Variants in SLC44A5 observed in about 807,000 individuals in gnomAD.
SLC44A5 encodes the protein choline transporter-like protein 5.
In SLC44A5, 57 loss-of-function variants were observed where a neutral mutation model predicts 101.8. The observed-to-expected ratio is 0.56, with a 90% CI of 0.45 to 0.70. The LOEUF is 0.70. Ranked by LOEUF, SLC44A5 falls within the 30% of genes least tolerant of loss-of-function variation. The probability of loss-of-function intolerance (pLI) is 0.00; values close to 1 mark genes in which losing one functional copy is unlikely to be tolerated. For missense variants in SLC44A5, 737 were observed against 853.1 expected (o/e 0.86, Z 1.70); for synonymous variants, 281 against 290.9 (o/e 0.97, Z 0.35).
intron 2 of SLC44A5, among the ~76,000 whole-genome samples, chr1:75,496,888 A>C (rs1359885389): frequency 2.6e-5 from 4 of 152,246 alleles, no homozygotes; most frequent in East Asian, 1.9e-4. Flanking sequence ...AAGATGGTTA[A>C]TATCACTAAT....
At chr1:75,280,813 C>T (rs1652479709) in intron 5 of SLC44A5, among the ~76,000 whole-genome samples, 2 of 152,096 alleles carry the variant, frequency 1.3e-5, no homozygotes, top group South Asian at 4.1e-4. Context: ...GTTTGCTTCT[C>T]CTTCTGCCAT....
chr1:75,684,886 G>T, the SLC44A5 span, among the ~76,000 whole-genome samples: 1 of 152,202 alleles, frequency 6.6e-6, no homozygotes, highest in Non-Finnish European at 1.5e-5. Flanking sequence ...TGGGGATTCT[G>T]TGTGGGGCTC....
At chr1:75,601,537 AAG>A (rs1461906518) in intron 1 of SLC44A5, among the ~76,000 whole-genome samples, 4 of 152,178 alleles carry the variant, frequency 2.6e-5, no homozygotes, top group Non-Finnish European at 5.9e-5. Context: ...TATAATAAAA[AAG>A]AGAGAGAAAT....
At chr1:75,275,496 C>T (rs191001613) in intron 5 of SLC44A5, among the ~76,000 whole-genome samples, 25 of 152,032 alleles carry the variant, frequency 1.6e-4, no homozygotes, top group African/African-American at 5.3e-4. Flanking sequence ...ACTATAATGC[C>T]CAATTCAAAT....
intron 5 of SLC44A5, among the ~76,000 whole-genome samples, chr1:75,283,662 T>C (rs663356): frequency 0.059 from 8,936 of 152,228 alleles, 911 homozygotes; most frequent in African/African-American, 0.2. Context: ...TCATCTTCAG[T>C]TGATTTTTGT....
intron 1 of SLC44A5, among the ~76,000 whole-genome samples, chr1:75,602,378 T>C (rs910384394): frequency 1.3e-5 from 2 of 152,158 alleles, no homozygotes; most frequent in Non-Finnish European, 2.9e-5. Context: ...GTGTGATAAT[T>C]ATTCAATGCA....
chr1:75,464,378 G>C (rs1007324515), intron 2 of SLC44A5, among the ~76,000 whole-genome samples: 2 of 151,962 alleles, frequency 1.3e-5, no homozygotes, highest in Middle Eastern at 3.4e-3. Flanking sequence ...GATAGTATTT[G>C]CAAGCCTCAT....
chr1:75,279,691 A>G (rs1336450183), intron 5 of SLC44A5, among the ~76,000 whole-genome samples: 3 of 152,214 alleles, frequency 2.0e-5, no homozygotes, highest in South Asian at 4.1e-4. Context: ...ATTAATGTAT[A>G]GTATCCCCAA....
At chr1:75,223,505 A>C (rs952693102) in intron 13 of SLC44A5, among the ~76,000 whole-genome samples, 1 of 152,232 alleles carries the variant, frequency 6.6e-6, no homozygotes, top group Non-Finnish European at 1.5e-5. Flanking sequence ...CAGAAGTGTT[A>C]AAAAGTAAAA....
chr1:75,274,927 A>C, intron 6 of SLC44A5, 31 bp downstream of exon 6: 1 of 1,564,346 alleles, frequency 6.4e-7, no homozygotes, highest in Non-Finnish European at 8.8e-7. Context: ...TAGACAGTAA[A>C]ATCACACAAA....
chr1:75,410,208 T>C (rs148795045), intron 2 of SLC44A5, among the ~76,000 whole-genome samples: 280 of 152,192 alleles, frequency 1.8e-3, no homozygotes, highest in African/African-American at 6.1e-3. Context: ...CAGAGAAATA[T>C]AACGCACAAA....
At chr1:75,392,414 A>C (rs1186910063) in intron 3 of SLC44A5, among the ~76,000 whole-genome samples, 1 of 152,230 alleles carries the variant, frequency 6.6e-6, no homozygotes, top group African/African-American at 2.4e-5. Flanking sequence ...GCTTCACATC[A>C]TGCATCATCA....
At chr1:75,349,071 C>T (rs919042752) in intron 3 of SLC44A5, among the ~76,000 whole-genome samples, 1 of 152,122 alleles carries the variant, frequency 6.6e-6, no homozygotes, top group Non-Finnish European at 1.5e-5. Context: ...ATTGCTGGGC[C>T]AGCTGTGGTG....
intron 2 of SLC44A5, among the ~76,000 whole-genome samples, chr1:75,518,885 T>G (rs1669973229): frequency 6.6e-6 from 1 of 152,146 alleles, no homozygotes; most frequent in Admixed American, 6.5e-5. Flanking sequence ...TAACGAGATT[T>G]CTTGTTGGCA....
intron 2 of SLC44A5, among the ~76,000 whole-genome samples, chr1:75,487,162 AGT>A (rs1271292020): frequency 7.9e-5 from 12 of 152,168 alleles, no homozygotes; most frequent in Admixed American, 3.9e-4. Context: ...TGGAGTTTTC[AGT>A]CTCTGAGAGA....
At chr1:75,519,724 T>C (rs60769804) in intron 2 of SLC44A5, among the ~76,000 whole-genome samples, 3,534 of 152,336 alleles carry the variant, frequency 0.023, 134 homozygotes, top group African/African-American at 0.081. Flanking sequence ...AACATCTCTA[T>C]CATCTCCTAA....
chr1:75,384,338 C>A (rs1378497540), intron 3 of SLC44A5, among the ~76,000 whole-genome samples: 2 of 147,298 alleles, frequency 1.4e-5, no homozygotes, highest in Non-Finnish European at 1.5e-5. Flanking sequence ...CACACATAGG[C>A]TCAAAATAAA....
At chr1:75,286,544 C>T (rs1194183118) in intron 5 of SLC44A5, among the ~76,000 whole-genome samples, 3 of 151,794 alleles carry the variant, frequency 2.0e-5, no homozygotes, top group African/African-American at 7.3e-5. Context: ...TGATTTTTTT[C>T]ATTGTGTTAT....
At chr1:75,204,707 G>A (rs1646720486) in intron 23 of SLC44A5, 1 of 152,070 alleles carries the variant, frequency 6.6e-6, no homozygotes, top group African/African-American at 2.4e-5. Context: ...AGACTGGTCT[G>A]GAACTCCTAG....
Sources: allele counts gnomAD v4.1 joint callset (sites outside exome capture counted in the v4.1 genomes callset), GRCh38; gene constraint gnomAD v4.1.1; transcripts MANE v1.5; gene names NCBI Gene and HGNC (gene_info 2026-07-23, HGNC 2026-07-21).